IQCE: variants seen among roughly 807,000 people sequenced by gnomAD.
The protein encoded by IQCE is IQ motif containing E, also known as IQ domain-containing protein E.
IQCE carries 115 observed loss-of-function variants against 96.0 expected under a neutral mutation model. That is an observed-to-expected ratio of 1.20 (90% CI 1.03 to 1.40). The LOEUF (loss-of-function observed/expected upper bound fraction) is 1.40. IQCE is among the 40% of genes most tolerant of loss of function. IQCE has a pLI of 0.00. For synonymous variants in IQCE, 412 were observed against 371.2 expected, an observed-to-expected ratio of 1.11 and a Z score of -1.26; for missense variants, 1,041 against 909.1, an observed-to-expected ratio of 1.15 and a Z score of -1.87.
rs35922209 is a variant in IQCE, at chr7:2,578,123, T to C, written c.466-119T>C. The stretch of plus-strand genomic sequence containing the variant: ...AGTGGCGTGTGCGTGGCTGTGCGCG[T>C]GGGGACGTGTGTGCGGCGTGCCCGC... On this transcript the variant is annotated intron_variant, in intron 6 of 21. Coordinates refer to ENST00000402050, the MANE Select transcript of IQCE (RefSeq NM_152558.5). 7.9e-4 allele frequency: 444 copies of C among 564,762 alleles called. 1 individual carries two copies. The highest frequency in any genetic ancestry group is 6.6e-3 in the African/African-American group (204 of 30,898). 35.0% of individuals were successfully genotyped at this position (564,762 alleles called of 1,614,324 possible). A position where few individuals can be genotyped will look rare whatever the true frequency, so the allele number is the denominator to read the frequency against.
At chr7:2,568,112 G>A (rs944628471) in intron 2 of IQCE, among the ~76,000 whole-genome samples, 2 of 152,178 alleles carry the variant, frequency 1.3e-5, no homozygotes, top group African/African-American at 4.8e-5. Flanking sequence ...GACGGGTTGT[G>A]TGTCTCTAAT....
In IQCE at chr7:2,578,546, G is replaced by T; in HGVS notation, c.630+20G>T. The T allele has an allele frequency of 6.2e-7, 1 of 1,613,856 alleles. No individual in the cohort carries two copies. Among genetic ancestry groups the T allele is most frequent in the East Asian group, 2.2e-5 (1 of 44,892 alleles). ...AGTTGGGTGAGTATGGTGTGTGCAG[G>T]ACAGAGCCTTTCCCCAGACGCTAGT... On this transcript the variant is annotated intron_variant, in intron 8 of 21. Transcript: ENST00000402050.
At position 2,613,927 on chromosome 7, in the gene IQCE, A is replaced by G. The variant is rs1440008375; in HGVS notation, c.*3765A>G. ...CAGAGCCAAGCAGGGCTAAACTCCA[A>G]CCCAGGGCCCGGTGTTGGACAAAGT... On this transcript the variant is annotated 3_prime_UTR_variant, in exon 22 of 22. Transcript: ENST00000402050. 6.6e-6 allele frequency: 1 copy of G among 152,012 alleles called. No individual in the cohort carries two copies. Among genetic ancestry groups the G allele is most frequent in the Non-Finnish European group, 1.5e-5 (1 of 67,988 alleles). 9.4% of individuals were successfully genotyped at this position (152,012 alleles called of 1,614,324 possible). A position where few individuals can be genotyped will look rare whatever the true frequency, so the allele number is the denominator to read the frequency against.
intron 5 of IQCE, 98 bp from the exon 6 acceptor site, chr7:2,573,320 G>T: frequency 1.5e-6 from 1 of 666,812 alleles, no homozygotes. Flanking sequence ...TTTTTTAAAA[G>T]GAAATGTTAC....
In IQCE at chr7:2,573,443, C is replaced by A; in HGVS notation, c.420C>A (p.Tyr140Ter). ...GTCATGTCCCTGGGACTCCTGTCTA[C>A]AGAGAAAAAGAAGATATGTATGACG... ...SNGHVPGTPV[Y>*]REKEDMYDEI... Residue 140 changes from tyrosine (Y) to a stop codon, truncating the protein, a stop_gained, in exon 6 of 22, where the codon TAC (tyrosine) becomes TAA (stop). Transcript: ENST00000402050. LOFTEE classifies it high-confidence loss of function. The A allele has an allele frequency of 6.5e-7, 1 of 1,534,516 alleles. No individual in the cohort carries two copies. Among genetic ancestry groups the A allele is most frequent in the Non-Finnish European group, 9.0e-7 (1 of 1,108,138 alleles).
At chr7:2,590,196 C>T (rs1026841223) in intron 14 of IQCE, 90 bp downstream of exon 14, 33 of 1,148,176 alleles carry the variant, frequency 2.9e-5, no homozygotes, top group Non-Finnish European at 3.7e-5. Flanking sequence ...AGTGTCCCCA[C>T]AGGCACAGGT....
intron 18 of IQCE, among the ~76,000 whole-genome samples, chr7:2,604,213 C>A (rs1350847366): frequency 3.3e-5 from 5 of 152,086 alleles, no homozygotes; most frequent in African/African-American, 1.2e-4. Context: ...GTCTCAAACT[C>A]CTGGGCTCAA....
intron 12 of IQCE, 93 bp from the exon 13 acceptor site, chr7:2,587,729 G>A: frequency 7.8e-7 from 1 of 1,280,566 alleles, no homozygotes; most frequent in African/African-American, 1.5e-5. Context: ...TGCTCCGGCT[G>A]CGGAAGAGGA....
At position 2,582,547 on chromosome 7, in the gene IQCE, G is replaced by A. The variant is rs756761522; in HGVS notation, c.631-33G>A. ...CCGCTTCTACTGAGGGAGAGAGGGC[G>A]TGGCCTGCCTGATGGGCACGTTCCC... is the stretch of plus-strand genomic sequence containing the variant. On this transcript the variant is annotated intron_variant, in intron 8 of 21. Coordinates refer to ENST00000402050, the MANE Select transcript of IQCE (RefSeq NM_152558.5). The A allele has an allele frequency of 9.9e-5, 159 of 1,600,880 alleles. 1 individual carries two copies. The Middle Eastern group carries it at 1.5e-3, about 15-fold the overall frequency.
intron 8 of IQCE, among the ~76,000 whole-genome samples, chr7:2,582,364 G>A (rs1301151673): frequency 6.6e-6 from 1 of 152,208 alleles, no homozygotes; most frequent in Non-Finnish European, 1.5e-5. Context: ...TCCTGCTCCA[G>A]CCGGTGTCGC....
At chr7:2,561,507 G>A (rs1201421912) in intron 1 of IQCE, among the ~76,000 whole-genome samples, 2 of 149,952 alleles carry the variant, frequency 1.3e-5, no homozygotes, top group African/African-American at 4.9e-5. Flanking sequence ...TGCAAGCTCC[G>A]CCTCCCGGGT....
chr7:2,593,484 C>A (rs1041219946), intron 15 of IQCE, among the ~76,000 whole-genome samples: 7 of 152,274 alleles, frequency 4.6e-5, no homozygotes, highest in African/African-American at 1.7e-4. Context: ...TCGCGAGAGC[C>A]AGGAAGCAGC....
At chr7:2,569,557 G>T (rs956528586) in intron 3 of IQCE, among the ~76,000 whole-genome samples, 1 of 152,142 alleles carries the variant, frequency 6.6e-6, no homozygotes, top group Non-Finnish European at 1.5e-5. Context: ...GCGGAGGTGG[G>T]GTTAGTCCAG....
At chr7:2,573,569 C>A (rs1274673150) in intron 6 of IQCE, 81 bp downstream of exon 6, 2 of 777,646 alleles carry the variant, frequency 2.6e-6, no homozygotes, top group African/African-American at 1.8e-5. Context: ...AGTGCCTGTG[C>A]TGGGAGGTGC....
intron 17 of IQCE, among the ~76,000 whole-genome samples, 188 bp from the exon 18 acceptor site, chr7:2,601,253 C>T (rs1364546845): frequency 6.6e-6 from 1 of 152,202 alleles, no homozygotes; most frequent in Non-Finnish European, 1.5e-5. Flanking sequence ...CCTAATTCTG[C>T]CTCTCACTTT....
chr7:2,595,536 C>T (rs1161726130), intron 16 of IQCE, among the ~76,000 whole-genome samples: 1 of 152,202 alleles, frequency 6.6e-6, no homozygotes, highest in African/African-American at 2.4e-5. Flanking sequence ...CCTGCCTCTC[C>T]ACTCCCTCAG....
chr7:2,603,419 C>T (rs1018781041), intron 18 of IQCE, among the ~76,000 whole-genome samples: 13 of 152,310 alleles, frequency 8.5e-5, no homozygotes, highest in Middle Eastern at 3.4e-3. Context: ...TGAGGGGATC[C>T]GGGCTCCTTG....
At position 2,567,164 on chromosome 7, in the gene IQCE, G is replaced by A. The variant is rs771552509; in HGVS notation, c.84+1G>A. 3 of 1,613,296 alleles carry A rather than the reference G, an allele frequency of 1.9e-6. No individual in the cohort carries two copies. In the South Asian group the frequency reaches 3.3e-5, roughly 18 times the overall value. ...CACCTTTGACTCTGATGTGGAGACG[G>A]TGAGTGCCGCTGGGTGTCAGCCGTG... On this transcript the variant is annotated splice_donor_variant, in intron 2 of 21. Coordinates refer to ENST00000402050, the MANE Select transcript of IQCE (RefSeq NM_152558.5). LOFTEE classifies it high-confidence loss of function.
chr7:2,588,855 G>A (rs1452249200), intron 13 of IQCE, among the ~76,000 whole-genome samples: 2 of 151,516 alleles, frequency 1.3e-5, no homozygotes, highest in Non-Finnish European at 2.9e-5. Context: ...TAGTAGACAT[G>A]AGGTTTCACC....
Sources: gnomAD v4.1 joint callset for allele counts (sites outside exome capture counted in the v4.1 genomes callset) on GRCh38, gnomAD v4.1.1 for gene constraint, MANE v1.5 for transcripts, NCBI Gene and HGNC (gene_info 2026-07-23, HGNC 2026-07-21) for gene names.